CHIC2: variants seen among roughly 807,000 people sequenced by gnomAD.
CHIC2 encodes the protein cysteine rich hydrophobic domain 2.
A neutral mutation model predicts 25.9 loss-of-function variants in CHIC2; 14 were observed. That is an observed-to-expected ratio of 0.54 (90% CI 0.36 to 0.85). CHIC2 has a LOEUF of 0.85. CHIC2 is among the 40% of genes least tolerant of loss of function. The pLI, the probability that CHIC2 is intolerant of heterozygous loss-of-function variation, is 0.01. For synonymous variants in CHIC2, 70 were observed against 72.0 expected, an observed-to-expected ratio of 0.97 and a Z score of 0.14; for missense variants, 146 against 202.0, an observed-to-expected ratio of 0.72 and a Z score of 1.68.
intron 3 of CHIC2, among the ~76,000 whole-genome samples, chr4:54,038,880 A>T (rs1272324925): frequency 6.6e-6 from 1 of 152,144 alleles, no homozygotes; most frequent in Non-Finnish European, 1.5e-5. Flanking sequence ...AAGAAAAAAA[A>T]GCTACAGTAA....
At chr4:54,014,152 G>C (rs753797037) in intron 3 of CHIC2, 33 bp from the exon 4 acceptor site, 14 of 1,604,900 alleles carry the variant, frequency 8.7e-6, no homozygotes, top group Admixed American at 1.7e-5. Flanking sequence ...GTTTACTCTT[G>C]ACTGGTTTTA....
chr4:54,055,232 C>T (rs560138748), intron 1 of CHIC2, among the ~76,000 whole-genome samples: 1 of 152,094 alleles, frequency 6.6e-6, no homozygotes, highest in East Asian at 1.9e-4. Context: ...CCTCAGCCTC[C>T]CGTGTAGCTG....
chr4:54,049,974 T>C (rs1262519050), intron 1 of CHIC2, among the ~76,000 whole-genome samples: 1 of 152,158 alleles, frequency 6.6e-6, no homozygotes, highest in Non-Finnish European at 1.5e-5. Context: ...GGCTTTAGAA[T>C]TGATAAAAGA....
chr4:54,063,077 T>C (rs1577991044), intron 1 of CHIC2, among the ~76,000 whole-genome samples: 1 of 152,238 alleles, frequency 6.6e-6, no homozygotes, highest in Non-Finnish European at 1.5e-5. Context: ...ATACGAGAAA[T>C]GCAATTATTT....
chr4:54,055,560 T>C (rs1221819406), intron 1 of CHIC2, among the ~76,000 whole-genome samples: 2 of 152,210 alleles, frequency 1.3e-5, no homozygotes, highest in African/African-American at 4.8e-5. Flanking sequence ...ACATTCCACC[T>C]GTACAAATCT....
intron 3 of CHIC2, among the ~76,000 whole-genome samples, chr4:54,020,295 C>T (rs2110063479): frequency 6.6e-6 from 1 of 152,276 alleles, no homozygotes; most frequent in African/African-American, 2.4e-5. Context: ...TTTCTCCCCA[C>T]CCTTGAGAAT....
the CHIC2 span, among the ~76,000 whole-genome samples, chr4:54,086,508 T>C: frequency 6.6e-6 from 1 of 152,180 alleles, no homozygotes; most frequent in South Asian, 2.1e-4. Flanking sequence ...ATAAATATCC[T>C]GCAGGAGCTT....
At chr4:54,070,685 A>G in the CHIC2 span, among the ~76,000 whole-genome samples, 1 of 152,132 alleles carries the variant, frequency 6.6e-6, no homozygotes, top group Admixed American at 6.5e-5. Context: ...GGCCTCCCAA[A>G]GTGCTGAGGT....
chr4:54,085,977 T>C, the CHIC2 span, among the ~76,000 whole-genome samples: 2 of 152,038 alleles, frequency 1.3e-5, no homozygotes. Flanking sequence ...CTATCTAGCT[T>C]AAATAATTGT....
the CHIC2 span, among the ~76,000 whole-genome samples, chr4:54,079,694 G>A: frequency 1.6e-4 from 24 of 151,946 alleles, no homozygotes; most frequent in African/African-American, 5.8e-4. Context: ...TCAGGTAAGT[G>A]CAAATCAAAA....
At chr4:54,089,964 T>C in the CHIC2 span, among the ~76,000 whole-genome samples, 2 of 152,188 alleles carry the variant, frequency 1.3e-5, no homozygotes, top group African/African-American at 4.8e-5. Context: ...ATTTAAAATA[T>C]TGTATAAAAA....
the CHIC2 span, among the ~76,000 whole-genome samples, chr4:54,082,381 A>C: frequency 1.3e-5 from 2 of 152,240 alleles, no homozygotes; most frequent in South Asian, 4.1e-4. Context: ...GCTCCACTGT[A>C]TGGATCTTTG....
chr4:54,080,511 A>C, the CHIC2 span, among the ~76,000 whole-genome samples: 1 of 152,138 alleles, frequency 6.6e-6, no homozygotes, highest in East Asian at 1.9e-4. Flanking sequence ...CATGCCTATA[A>C]TCCCAGCACT....
chr4:54,030,657 A>G (rs1464700387), intron 3 of CHIC2, among the ~76,000 whole-genome samples: 1 of 147,806 alleles, frequency 6.8e-6, no homozygotes, highest in Non-Finnish European at 1.5e-5. Flanking sequence ...TATATTTACT[A>G]AAATGCTAAT....
chr4:54,070,901 C>A, the CHIC2 span, among the ~76,000 whole-genome samples: 1 of 152,192 alleles, frequency 6.6e-6, no homozygotes, highest in Non-Finnish European at 1.5e-5. Context: ...CTGACCATAT[C>A]TCCAGTTCCA....
intron 1 of CHIC2, among the ~76,000 whole-genome samples, chr4:54,051,427 T>C (rs866856062): frequency 5.9e-5 from 9 of 152,094 alleles, no homozygotes; most frequent in Admixed American, 1.3e-4. Context: ...ATGAGTATTA[T>C]TGTAACAATC....
the CHIC2 span, chr4:54,087,417 A>G: frequency 1.7e-6 from 1 of 587,566 alleles, no homozygotes; most frequent in Non-Finnish European, 2.9e-6. Context: ...GCAAATTGTA[A>G]AACATCGCAG....
chr4:54,085,372 G>A, the CHIC2 span, among the ~76,000 whole-genome samples: 36 of 152,290 alleles, frequency 2.4e-4, no homozygotes, highest in African/African-American at 8.7e-4. Context: ...ATCTGTGGAA[G>A]ACAATGGTGC....
At chr4:54,042,226 T>G (rs1227275575) in intron 3 of CHIC2, among the ~76,000 whole-genome samples, 1 of 152,168 alleles carries the variant, frequency 6.6e-6, no homozygotes, top group Non-Finnish European at 1.5e-5. Context: ...CATATAAAAT[T>G]AAATGCATCA....
Sources: allele counts gnomAD v4.1 joint callset (sites outside exome capture counted in the v4.1 genomes callset), GRCh38; gene constraint gnomAD v4.1.1; transcripts MANE v1.5; gene names NCBI Gene and HGNC (gene_info 2026-07-23, HGNC 2026-07-21).